Variants in RCSD1 observed in about 807,000 individuals in gnomAD.
RCSD1 encodes RCSD domain containing 1.
A neutral mutation model predicts 42.5 loss-of-function variants in RCSD1; 26 were observed. That is an observed-to-expected ratio of 0.61 (90% CI 0.45 to 0.85). The LOEUF (loss-of-function observed/expected upper bound fraction) is 0.85. Ranked by LOEUF, RCSD1 falls within the 40% of genes least tolerant of loss-of-function variation. The pLI is 0.00. For missense variants in RCSD1, 571 were observed against 528.3 expected, an observed-to-expected ratio of 1.08 and a Z score of -0.79; for synonymous variants, 220 against 212.2, an observed-to-expected ratio of 1.04 and a Z score of -0.32.
chr1:167,679,155 C>G (rs1450194341), intron 1 of RCSD1, among the ~76,000 whole-genome samples: 1 of 152,204 alleles, frequency 6.6e-6, no homozygotes. Flanking sequence ...AGAGTTAGTA[C>G]AGCATGTTGG....
At chr1:167,695,538 AT>A (rs34867466) in intron 5 of RCSD1, among the ~76,000 whole-genome samples, 81,717 of 141,008 alleles carry the variant, frequency 0.58, 23,255 homozygotes, top group Non-Finnish European at 0.63. Context: ...TTACACACTA[AT>A]TTTTTTTTTT....
chr1:167,692,997 A>G (rs1473520124), intron 4 of RCSD1, among the ~76,000 whole-genome samples: 3 of 152,310 alleles, frequency 2.0e-5, no homozygotes, highest in Non-Finnish European at 4.4e-5. Flanking sequence ...AAAGGTTTGG[A>G]CAGACAAAGA....
intron 1 of RCSD1, among the ~76,000 whole-genome samples, chr1:167,666,132 CA>C (rs1375721911): frequency 3.3e-5 from 5 of 152,168 alleles, no homozygotes; most frequent in Non-Finnish European, 7.4e-5. Context: ...TTTTTAATCC[CA>C]AAACGTAAAC....
At chr1:167,691,698 C>T (rs76804288) in intron 4 of RCSD1, among the ~76,000 whole-genome samples, 1,743 of 152,348 alleles carry the variant, frequency 0.011, 32 homozygotes, top group African/African-American at 0.041. Flanking sequence ...CCCAGCCTGA[C>T]TGGGGGTTAA....
Position 167,690,074 on chromosome 1 carries a change from C to G in RCSD1, c.224C>G (p.Pro75Arg). Residue 75 changes from proline to arginine, a missense_variant, in exon 4 of 7, where the codon CCT becomes CGT. Physicochemically the swap from Pro to Arg is moderately radical, Grantham distance 103. Transcript: ENST00000367854. ...AAATCACCACCCAATGCGAGCCACC[C>G]TCCTAAATTCAAGGTCAAGAGCTCG... The part of the protein sequence containing the change: ...EEKSPPNASH[P>R]PKFKVKSSPL... 6.2e-7 allele frequency: 1 copy of G among 1,614,170 alleles called. No individual in the cohort carries two copies. The highest frequency in any genetic ancestry group is 1.3e-5 in the African/African-American group (1 of 75,042).
In RCSD1 at chr1:167,683,966, G is replaced by A. The variant is rs753884065; in HGVS notation, c.73G>A (p.Gly25Arg). 1.1e-5 allele frequency: 17 copies of A among 1,614,050 alleles called. No homozygotes were observed. Among genetic ancestry groups the A allele is most frequent in the East Asian group, 2.2e-5 (1 of 44,876 alleles). Reference protein sequence around the residue: ...SASPSVAQLAGRFREQAAAAK... With the variant: ...SASPSVAQLARRFREQAAAAK... ...GTCCCCCTCGGTGGCCCAGCTGGCC[G>A]GGCGGTTTAGGGAGCAGGCGGCTGC... Residue 25 changes from glycine (G) to arginine (R), a missense_variant, in exon 2 of 7, where the codon GGG (glycine) becomes AGG (arginine). Coordinates refer to ENST00000367854, the MANE Select transcript of RCSD1 (RefSeq NM_052862.4).
intron 1 of RCSD1, chr1:167,664,499 A>G (rs1658606837): frequency 6.6e-6 from 1 of 152,282 alleles, no homozygotes; most frequent in African/African-American, 2.4e-5. Flanking sequence ...TTTTTGAGGT[A>G]AAATATATCT....
At chr1:167,648,241 A>C (rs1558074735) in intron 1 of RCSD1, among the ~76,000 whole-genome samples, 1 of 152,246 alleles carries the variant, frequency 6.6e-6, no homozygotes, top group African/African-American at 2.4e-5. Flanking sequence ...GGAACACAGC[A>C]TTTGCTTTTA....
intron 3 of RCSD1, among the ~76,000 whole-genome samples, chr1:167,686,545 G>A (rs1659241040): frequency 6.6e-6 from 1 of 152,172 alleles, no homozygotes; most frequent in African/African-American, 2.4e-5. Context: ...GATGGGGGAG[G>A]GGAGGCCTGG....
intron 1 of RCSD1, among the ~76,000 whole-genome samples, chr1:167,644,834 T>C (rs1489860656): frequency 6.6e-6 from 1 of 152,216 alleles, no homozygotes; most frequent in Non-Finnish European, 1.5e-5. Context: ...AGAGCCCCTC[T>C]CCCTGTCTAA....
rs1259211550 is a variant in RCSD1 at position 167,706,347 on chromosome 1, A to G, written c.*1651A>G. 2 of 152,164 alleles carry G rather than the reference A, an allele frequency of 1.3e-5. No homozygotes were observed. Among genetic ancestry groups the G allele is most frequent in the African/African-American group, 2.4e-5 (1 of 41,432 alleles). The allele number at this position is 152,164 out of a possible 1,614,324, so 9.4% of individuals were successfully genotyped here. ...ATCTAGCTACCATCCATTTATTGAC[A>G]GAGAAGTCTACCCCTAAACAATACT... On this transcript the variant is annotated 3_prime_UTR_variant, in exon 7 of 7. Transcript: ENST00000367854.
intron 1 of RCSD1, among the ~76,000 whole-genome samples, chr1:167,658,836 G>A (rs2102212516): frequency 6.6e-6 from 1 of 151,886 alleles, no homozygotes; most frequent in East Asian, 1.9e-4. Flanking sequence ...TTTTGCTGCT[G>A]TAAACAGTAC....
chr1:167,647,434 A>AG (rs1434605550), intron 1 of RCSD1, among the ~76,000 whole-genome samples: 2 of 151,892 alleles, frequency 1.3e-5, no homozygotes, highest in Non-Finnish European at 2.9e-5. Flanking sequence ...ACAAAAAAAA[A>AG]AAAAATAGCA....
At chr1:167,694,645 G>T (rs112050760) in intron 5 of RCSD1, among the ~76,000 whole-genome samples, 3,634 of 152,206 alleles carry the variant, frequency 0.024, 153 homozygotes, top group African/African-American at 0.082. Context: ...AAAGCTGAAC[G>T]CAAAAGCTAA....
intron 1 of RCSD1, among the ~76,000 whole-genome samples, chr1:167,652,247 C>A (rs1223267232): frequency 6.6e-6 from 1 of 152,134 alleles, no homozygotes; most frequent in Non-Finnish European, 1.5e-5. Flanking sequence ...GTCTCAAACT[C>A]CTGGCCTCAG....
chr1:167,632,098 A>C (rs1382835822), intron 1 of RCSD1, among the ~76,000 whole-genome samples: 1 of 152,238 alleles, frequency 6.6e-6, no homozygotes, highest in African/African-American at 2.4e-5. Flanking sequence ...CCCAAAGATC[A>C]CACAAACACA....
At chr1:167,639,793 C>A (rs1273496732) in intron 1 of RCSD1, among the ~76,000 whole-genome samples, 2 of 152,192 alleles carry the variant, frequency 1.3e-5, no homozygotes, top group Non-Finnish European at 2.9e-5. Flanking sequence ...GATGCCCGGC[C>A]CATTCTCATT....
chr1:167,666,187 G>A (rs1381618378), intron 1 of RCSD1, among the ~76,000 whole-genome samples: 1 of 152,096 alleles, frequency 6.6e-6, no homozygotes, highest in Non-Finnish European at 1.5e-5. Context: ...GTTGTGGTTG[G>A]GAGCACAGGC....
At chr1:167,636,620 G>T (rs1313445374) in intron 1 of RCSD1, among the ~76,000 whole-genome samples, 2 of 151,288 alleles carry the variant, frequency 1.3e-5, no homozygotes, top group Non-Finnish European at 2.9e-5. Context: ...ACGGAGTTTT[G>T]CTCTTGTTGC....
Sources: allele counts gnomAD v4.1 joint callset (sites outside exome capture counted in the v4.1 genomes callset), GRCh38; gene constraint gnomAD v4.1.1; transcripts MANE v1.5; gene names NCBI Gene and HGNC (gene_info 2026-07-23, HGNC 2026-07-21).